Variants in UGP2 observed in about 807,000 individuals in gnomAD.
The protein encoded by UGP2 is UDP-glucose pyrophosphorylase 2.
A neutral mutation model predicts 49.0 loss-of-function variants in UGP2; 40 were observed. The observed-to-expected ratio is 0.82, with a 90% CI of 0.63 to 1.06. UGP2 has a LOEUF of 1.06. UGP2 is among the 50% of genes least tolerant of loss of function. The probability of loss-of-function intolerance (pLI) is 0.00; values close to 1 mark genes in which losing one functional copy is unlikely to be tolerated. For missense variants in UGP2, 460 were observed against 603.5 expected (o/e 0.76, Z 2.49); for synonymous variants, 225 against 213.0 (o/e 1.06, Z -0.49).
chr2:63,855,760 T>TCA, intron 1 of UGP2: 1 of 365,700 alleles, frequency 2.7e-6, no homozygotes, highest in Non-Finnish European at 5.5e-6. Flanking sequence ...CAGCCTGGTC[T>TCA]CAAACTCCTG....
At chr2:63,890,352 A>G (rs939383220) in intron 9 of UGP2, among the ~76,000 whole-genome samples, 167 bp downstream of exon 9, 1 of 152,198 alleles carries the variant, frequency 6.6e-6, no homozygotes, top group Non-Finnish European at 1.5e-5. Flanking sequence ...TAGGATCACT[A>G]TTAGCATTAG....
At chr2:63,872,510 A>C (rs537320935) in intron 3 of UGP2, among the ~76,000 whole-genome samples, 1 of 152,334 alleles carries the variant, frequency 6.6e-6, no homozygotes, top group South Asian at 2.1e-4. Context: ...TAAATGAAAA[A>C]GACTTAGAGC....
chr2:63,848,485 T>A (rs1462071827), intron 1 of UGP2, among the ~76,000 whole-genome samples: 1 of 152,164 alleles, frequency 6.6e-6, no homozygotes, highest in Admixed American at 6.5e-5. Flanking sequence ...TACCTCAGCC[T>A]CCTGAGTAGC....
chr2:63,869,754 G>T (rs1330384010), intron 3 of UGP2, among the ~76,000 whole-genome samples: 1 of 152,084 alleles, frequency 6.6e-6, no homozygotes, highest in Non-Finnish European at 1.5e-5. Flanking sequence ...GACAGTGTTG[G>T]TGCCAAGATT....
chr2:63,880,435 G>GA (rs1671227891), intron 3 of UGP2, among the ~76,000 whole-genome samples: 1 of 152,078 alleles, frequency 6.6e-6, no homozygotes, highest in Non-Finnish European at 1.5e-5. Flanking sequence ...GCTGGGATTA[G>GA]AGGTGTGAGC....
intron 3 of UGP2, among the ~76,000 whole-genome samples, chr2:63,858,776 G>A (rs1195604490): frequency 2.6e-5 from 4 of 151,786 alleles, no homozygotes; most frequent in Non-Finnish European, 5.9e-5. Flanking sequence ...TTCTGGATAG[G>A]TATGTTGTTT....
intron 1 of UGP2, among the ~76,000 whole-genome samples, chr2:63,844,906 G>A (rs972602390): frequency 3.9e-5 from 6 of 152,110 alleles, no homozygotes; most frequent in Non-Finnish European, 7.4e-5. Context: ...AGTCCTTCCC[G>A]ACATCTTTTG....
chr2:63,853,057 C>G (rs1025458165), intron 1 of UGP2, among the ~76,000 whole-genome samples: 1 of 151,862 alleles, frequency 6.6e-6, no homozygotes, highest in Non-Finnish European at 1.5e-5. Flanking sequence ...AGGAGAGTGG[C>G]ATGAGAATTG....
At chr2:63,857,035 C>G (rs1031846102) in intron 2 of UGP2, among the ~76,000 whole-genome samples, 11 of 152,180 alleles carry the variant, frequency 7.2e-5, no homozygotes, top group Non-Finnish European at 1.0e-4. Flanking sequence ...CGCAGTGGCT[C>G]TTAGCTGTAA....
Position 63,856,421 on chromosome 2 carries a change from A to G in UGP2, c.135A>G (p.Ser45=). The G allele has an allele frequency of 1.9e-6, 3 of 1,612,162 alleles. No individual in the cohort carries two copies. Among genetic ancestry groups the G allele is most frequent in the Non-Finnish European group, 2.5e-6 (3 of 1,179,938 alleles). Residue 45 remains serine, a synonymous_variant, in exon 2 of 10, where the codon TCA becomes TCG. Coordinates refer to ENST00000337130, the MANE Select transcript of UGP2 (RefSeq NM_006759.4). ...AAAAAATACTCACCACAGCATCATC[A>G]CATGAATTTGAGGTAAGGAGGTTTC... ...ELEKILTTAS[S]HEFEHTKKDL...
intron 3 of UGP2, among the ~76,000 whole-genome samples, chr2:63,880,808 T>G (rs1256534506): frequency 2.0e-5 from 3 of 152,124 alleles, no homozygotes; most frequent in Non-Finnish European, 4.4e-5. Flanking sequence ...CAGCCATCGG[T>G]GTGGTCTGCG....
At chr2:63,849,066 C>T (rs376860500) in intron 1 of UGP2, among the ~76,000 whole-genome samples, 60 of 152,160 alleles carry the variant, frequency 3.9e-4, no homozygotes, top group African/African-American at 1.3e-3. Flanking sequence ...GTTTCATTTC[C>T]GTAAACATTT....
intron 3 of UGP2, among the ~76,000 whole-genome samples, chr2:63,879,005 T>TAA (rs567927030): frequency 1.9e-3 from 264 of 141,686 alleles, no homozygotes; most frequent in Middle Eastern, 7.2e-3. Context: ...TCACTGGAGG[T>TAA]AAAAAAAAAA....
chr2:63,876,937 A>G (rs1670944540), intron 3 of UGP2, among the ~76,000 whole-genome samples: 1 of 152,282 alleles, frequency 6.6e-6, no homozygotes, highest in African/African-American at 2.4e-5. Flanking sequence ...TATTCGAGTT[A>G]AAACTAGAAG....
At chr2:63,842,353 C>G in intron 1 of UGP2, 149 bp downstream of exon 1, 1 of 1,603,066 alleles carries the variant, frequency 6.2e-7, no homozygotes, top group African/African-American at 1.3e-5. Context: ...TCTGAGCTGC[C>G]TTGAGCTGCT....
At chr2:63,872,606 A>G (rs1670630802) in intron 3 of UGP2, among the ~76,000 whole-genome samples, 2 of 152,200 alleles carry the variant, frequency 1.3e-5, no homozygotes, top group African/African-American at 2.4e-5. Flanking sequence ...CTCACTTACT[A>G]TATTTTACTG....
chr2:63,856,530 A>C, intron 2 of UGP2, 97 bp downstream of exon 2: 11 of 1,355,562 alleles, frequency 8.1e-6, no homozygotes, highest in African/African-American at 1.5e-5. Flanking sequence ...ATCACCTCAA[A>C]TCAGCACAAG....
At chr2:63,891,024 T>TAAAA in intron 9 of UGP2, 96 bp from the exon 10 acceptor site, 6 of 832,162 alleles carry the variant, frequency 7.2e-6, no homozygotes, top group Non-Finnish European at 1.0e-5. Context: ...TACTTCACTG[T>TAAAA]AAAAAAAAAA....
At position 63,853,363 on chromosome 2, in the gene UGP2, G is replaced by A. The variant is rs150714961; in HGVS notation, c.20-2943G>A. On this transcript the variant is annotated intron_variant, in intron 1 of 9. Transcript: ENST00000337130. ...TTTATCTTGATTATTTCTTGATTAT[G>A]TCTTGAAATAATCAAGATAGCTTTA... Among the ~76,000 whole-genome samples the A allele has an allele frequency of 4.6e-5, 7 of 152,066 alleles. No homozygotes were observed. The East Asian group carries it at 1.4e-3, about 29-fold the overall frequency.
Sources: allele counts gnomAD v4.1 joint callset (sites outside exome capture counted in the v4.1 genomes callset), GRCh38; gene constraint gnomAD v4.1.1; transcripts MANE v1.5; gene names NCBI Gene and HGNC (gene_info 2026-07-23, HGNC 2026-07-21).